PTPN12: variants seen among roughly 807,000 people sequenced by gnomAD.
The protein encoded by PTPN12 is tyrosine-protein phosphatase non-receptor type 12.
Under a neutral mutation model 97.6 loss-of-function variants are expected in PTPN12, and 29 were observed. The ratio of observed to expected loss-of-function variants is 0.30; its 90% confidence interval spans 0.22 to 0.41. The LOEUF (loss-of-function observed/expected upper bound fraction) is 0.41, where lower values mean the gene tolerates loss of function less well. Among genes scored for constraint, PTPN12 ranks in the 10% least tolerant of loss-of-function variants. PTPN12 has a pLI of 1.00. For missense variants in PTPN12, 819 were observed against 926.0 expected, an observed-to-expected ratio of 0.88 and a Z score of 1.50; for synonymous variants, 327 against 300.4, an observed-to-expected ratio of 1.09 and a Z score of -0.91.
At chr7:77,625,563 C>CT (rs761274993) in intron 12 of PTPN12, among the ~76,000 whole-genome samples, 808 of 27,782 alleles carry the variant, frequency 0.029, 294 homozygotes, top group Middle Eastern at 0.058. Context: ...CGCTCTCTCT[C>CT]TCTTTTTTTT....
At chr7:77,540,867 T>A (rs530075093) in intron 1 of PTPN12, among the ~76,000 whole-genome samples, 3 of 152,200 alleles carry the variant, frequency 2.0e-5, no homozygotes, top group African/African-American at 7.2e-5. Context: ...GACTGAGCCT[T>A]AGAGATAATG....
intron 11 of PTPN12, 93 bp downstream of exon 11, chr7:77,611,139 A>G: frequency 1.0e-6 from 1 of 954,796 alleles, no homozygotes; most frequent in Non-Finnish European, 1.6e-6. Flanking sequence ...TGTTTTGTCT[A>G]ACATGAGAAG....
In PTPN12 at chr7:77,604,475, A is replaced by G. The variant is rs140657698; in HGVS notation, c.696-2760A>G. Among the ~76,000 whole-genome samples the G allele has an allele frequency of 6.3e-3, 960 of 152,002 alleles. 17 individuals carry two copies. The highest frequency in any genetic ancestry group is 0.022 in the African/African-American group (897 of 41,480). On this transcript the variant is annotated intron_variant, in intron 8 of 17. Transcript: ENST00000248594. The stretch of plus-strand genomic sequence containing the variant: ...GGTGATCACCTGCCTCGGCCTCCCA[A>G]AGTGCTGGGATTACAGGCGTGAACC...
intron 2 of PTPN12, 54 bp from the exon 3 acceptor site, chr7:77,581,373 T>C (rs1161637437): frequency 8.2e-7 from 1 of 1,221,282 alleles, no homozygotes; most frequent in Non-Finnish European, 1.2e-6. Flanking sequence ...TTACGCTTCA[T>C]TAGAAAATAC....
chr7:77,616,970 CAG>C (rs987295227), intron 11 of PTPN12, among the ~76,000 whole-genome samples: 1 of 152,054 alleles, frequency 6.6e-6, no homozygotes, highest in African/African-American at 2.4e-5. Flanking sequence ...GTAGTAGAGA[CAG>C]GGTTTCACTA....
chr7:77,589,657 T>C (rs1422272089), intron 5 of PTPN12, among the ~76,000 whole-genome samples: 2 of 152,168 alleles, frequency 1.3e-5, no homozygotes, highest in African/African-American at 4.8e-5. Flanking sequence ...CCTATGTCAG[T>C]ATTAAGTAAT....
intron 1 of PTPN12, among the ~76,000 whole-genome samples, chr7:77,542,637 G>A (rs12533502): frequency 0.72 from 108,652 of 151,958 alleles, 40,139 homozygotes; most frequent in East Asian, 0.99. Context: ...AGAGTATAGT[G>A]TTATGACTCG....
rs755761830 is a variant in PTPN12 at position 77,626,747 on chromosome 7, A to G, written c.1068A>G (p.Pro356=). Residue 356 remains proline (P), a synonymous_variant, in exon 13 of 18, where the codon CCA becomes CCG. Coordinates refer to ENST00000248594, the MANE Select transcript of PTPN12 (RefSeq NM_002835.4). Reference sequence around the variant, plus strand: ...ATGCTAAAGAAGAAATACTGCAGCCACCGGAACCTCATCCAGTGCCACCCA... The same window carrying G: ...ATGCTAAAGAAGAAATACTGCAGCCGCCGGAACCTCATCCAGTGCCACCCA... ...EGDAKEEILQ[P]PEPHPVPPIL... 1.9e-6 allele frequency: 3 copies of G among 1,611,526 alleles called. No individual in the cohort carries two copies. The highest frequency in any genetic ancestry group is 8.5e-7 in the Non-Finnish European group (1 of 1,179,216).
intron 1 of PTPN12, among the ~76,000 whole-genome samples, chr7:77,569,102 G>T (rs1354924302): frequency 6.6e-6 from 1 of 152,066 alleles, no homozygotes; most frequent in East Asian, 1.9e-4. Context: ...AGACATAATA[G>T]TAATGTCTCA....
chr7:77,623,264 C>T (rs1044316175), intron 12 of PTPN12, among the ~76,000 whole-genome samples: 2 of 151,956 alleles, frequency 1.3e-5, no homozygotes, highest in Non-Finnish European at 2.9e-5. Context: ...TTTGAAAATA[C>T]TCGATTAACA....
At chr7:77,592,314 A>G in intron 6 of PTPN12, 58 bp downstream of exon 6, 1 of 1,329,080 alleles carries the variant, frequency 7.5e-7, no homozygotes, top group Non-Finnish European at 1.1e-6. Context: ...ATACTGATGA[A>G]TAATTAAATT....
chr7:77,567,186 T>C (rs1190057268), intron 1 of PTPN12, among the ~76,000 whole-genome samples: 1 of 143,474 alleles, frequency 7.0e-6, no homozygotes, highest in Admixed American at 6.9e-5. Context: ...GACATTAATG[T>C]TGATGTGTTA....
At chr7:77,578,883 G>A (rs1330275787) in intron 2 of PTPN12, among the ~76,000 whole-genome samples, 3 of 152,030 alleles carry the variant, frequency 2.0e-5, no homozygotes, top group East Asian at 3.9e-4. Flanking sequence ...CTATAAAAGG[G>A]AAAGGCAGTA....
intron 11 of PTPN12, among the ~76,000 whole-genome samples, chr7:77,614,128 C>G (rs1788671613): frequency 6.6e-6 from 1 of 151,858 alleles, no homozygotes; most frequent in African/African-American, 2.4e-5. Flanking sequence ...AACAGTCCTC[C>G]CCCACCTCAG....
intron 1 of PTPN12, among the ~76,000 whole-genome samples, chr7:77,537,869 C>T (rs1806735030): frequency 6.6e-6 from 1 of 151,798 alleles, no homozygotes; most frequent in African/African-American, 2.4e-5. Flanking sequence ...CGCGCGGGTT[C>T]CCGGGACGCG....
chr7:77,604,902 T>C, intron 8 of PTPN12: 2 of 434,858 alleles, frequency 4.6e-6, no homozygotes, highest in Non-Finnish European at 9.3e-6. Context: ...TGCCACTTAC[T>C]GAACGGTCTG....
rs1789701123 is a variant in PTPN12, at chr7:77,638,870, A to G, written c.2281+139A>G. The G allele has an allele frequency of 3.8e-6, 5 of 1,299,860 alleles. No individual in the cohort carries two copies. In the East Asian group the frequency reaches 1.1e-4, roughly 29 times the overall value. 80.5% of individuals were successfully genotyped at this position (1,299,860 alleles called of 1,614,324 possible). A position where few individuals can be genotyped will look rare whatever the true frequency, so the allele number is the denominator to read the frequency against. ...GTTGCTTGGACTAGTCATGAAATAA[A>G]TGAAATACTTAATTCTATTTCACAT... On this transcript the variant is annotated intron_variant, in intron 17 of 17. Transcript: ENST00000248594.
chr7:77,613,059 C>G (rs1239880369), intron 11 of PTPN12, among the ~76,000 whole-genome samples: 1 of 151,784 alleles, frequency 6.6e-6, no homozygotes, highest in East Asian at 1.9e-4. Context: ...GTGTGAGCCA[C>G]TGCACCCGGC....
At chr7:77,541,278 G>C (rs1234865526) in intron 1 of PTPN12, among the ~76,000 whole-genome samples, 1 of 152,136 alleles carries the variant, frequency 6.6e-6, no homozygotes, top group Non-Finnish European at 1.5e-5. Flanking sequence ...TTTTTGTAGA[G>C]ACAGGGTTTC....
Sources: allele counts gnomAD v4.1 joint callset (sites outside exome capture counted in the v4.1 genomes callset), GRCh38; gene constraint gnomAD v4.1.1; transcripts MANE v1.5; gene names NCBI Gene and HGNC (gene_info 2026-07-23, HGNC 2026-07-21).